Variants in NR3C1 observed in about 807,000 individuals in gnomAD.
NR3C1 encodes the protein glucocorticoid receptor.
Under a neutral mutation model 74.0 loss-of-function variants are expected in NR3C1, and 14 were observed. That is an observed-to-expected ratio of 0.19 (90% CI 0.12 to 0.30). NR3C1 has a LOEUF of 0.30. Among genes scored for constraint, NR3C1 ranks in the 10% least tolerant of loss-of-function variants. The pLI is 1.00. For synonymous variants in NR3C1, 308 were observed against 332.5 expected (o/e 0.93, Z 0.80); for missense variants, 695 against 909.8 (o/e 0.76, Z 3.04).
intron 1 of NR3C1, among the ~76,000 whole-genome samples, chr5:143,416,683 G>T (rs1391158754): frequency 2.0e-5 from 3 of 152,154 alleles, no homozygotes; most frequent in African/African-American, 7.2e-5. Flanking sequence ...ACATGGGGGT[G>T]TTGCTCCTTC....
At chr5:143,412,000 A>T (rs924172724) in intron 1 of NR3C1, among the ~76,000 whole-genome samples, 1 of 152,046 alleles carries the variant, frequency 6.6e-6, no homozygotes, top group African/African-American at 2.4e-5. Context: ...AAAGGTAAGC[A>T]AAGCAGTCAT....
intron 2 of NR3C1, among the ~76,000 whole-genome samples, chr5:143,382,295 C>A (rs769250200): frequency 6.6e-6 from 1 of 151,952 alleles, no homozygotes; most frequent in Non-Finnish European, 1.5e-5. Context: ...AATATATATG[C>A]CTACTATATA....
intron 2 of NR3C1, among the ~76,000 whole-genome samples, chr5:143,378,729 T>A (rs1277612983): frequency 2.0e-5 from 3 of 152,214 alleles, no homozygotes; most frequent in African/African-American, 7.2e-5. Flanking sequence ...TTAGTCCTCA[T>A]CCAATATGAC....
intron 2 of NR3C1, among the ~76,000 whole-genome samples, chr5:143,354,922 C>CAAAA (rs60607518): frequency 2.0e-5 from 1 of 48,964 alleles, no homozygotes; most frequent in East Asian, 5.8e-4. Flanking sequence ...AAGTCCGTCT[C>CAAAA]AAAAAAAAAA....
At chr5:143,309,188 C>T (rs1438716355) in intron 4 of NR3C1, among the ~76,000 whole-genome samples, 1 of 151,812 alleles carries the variant, frequency 6.6e-6, no homozygotes, top group East Asian at 1.9e-4. Flanking sequence ...ATTCTCCTGC[C>T]TCAGCCTCCT....
At chr5:143,320,790 A>G (rs1275094633) in intron 2 of NR3C1, among the ~76,000 whole-genome samples, 1 of 152,210 alleles carries the variant, frequency 6.6e-6, no homozygotes, top group African/African-American at 2.4e-5. Context: ...TGGGTAACTT[A>G]CTTCCTAACA....
At chr5:143,412,875 T>C (rs1841339551) in intron 1 of NR3C1, among the ~76,000 whole-genome samples, 1 of 152,206 alleles carries the variant, frequency 6.6e-6, no homozygotes, top group Non-Finnish European at 1.5e-5. Context: ...GGATTCAGTT[T>C]GGATATGTTG....
chr5:143,435,060 C>G, exon 1 of NR3C1: 7 of 985,312 alleles, frequency 7.1e-6, no homozygotes, highest in Non-Finnish European at 8.4e-6. Context: ...CCAGGCAGAT[C>G]CTAATGGAAA....
At chr5:143,428,844 T>C (rs1232598475) in intron 1 of NR3C1, among the ~76,000 whole-genome samples, 1 of 152,194 alleles carries the variant, frequency 6.6e-6, no homozygotes, top group Non-Finnish European at 1.5e-5. Context: ...GTTTTCGCCA[T>C]TCTGACTACC....
chr5:143,367,761 A>G (rs1237514983), intron 2 of NR3C1, among the ~76,000 whole-genome samples: 1 of 152,268 alleles, frequency 6.6e-6, no homozygotes, highest in Non-Finnish European at 1.5e-5. Context: ...AGAAATGGAA[A>G]GAAGTCTTGT....
intron 4 of NR3C1, among the ~76,000 whole-genome samples, chr5:143,307,255 G>A (rs1357434469): frequency 2.0e-5 from 3 of 152,076 alleles, no homozygotes; most frequent in Non-Finnish European, 2.9e-5. Context: ...AGATTCAACT[G>A]GAAATGGCAG....
At chr5:143,383,787 G>A (rs1161282916) in intron 2 of NR3C1, among the ~76,000 whole-genome samples, 1 of 152,188 alleles carries the variant, frequency 6.6e-6, no homozygotes, top group African/African-American at 2.4e-5. Flanking sequence ...AATGATTTAT[G>A]TATTTTTATT....
intron 2 of NR3C1, among the ~76,000 whole-genome samples, chr5:143,314,423 T>A (rs1821647713): frequency 7.1e-6 from 1 of 140,318 alleles, no homozygotes; most frequent in Non-Finnish European, 1.6e-5. Context: ...TTCTTCTTCT[T>A]TTTTTTTTTT....
chr5:143,294,156 A>C, intron 7 of NR3C1: 2 of 985,142 alleles, frequency 2.0e-6, no homozygotes, highest in Non-Finnish European at 2.4e-6. Context: ...GGAAATGTTT[A>C]AATAGATATG....
intron 7 of NR3C1, among the ~76,000 whole-genome samples, chr5:143,291,935 T>C (rs187750224): frequency 6.6e-6 from 1 of 152,390 alleles, no homozygotes; most frequent in East Asian, 1.9e-4. Flanking sequence ...GAAATATTTG[T>C]GTCATATCTG....
chr5:143,417,707 CT>C (rs1320953519), intron 1 of NR3C1, among the ~76,000 whole-genome samples: 2 of 152,156 alleles, frequency 1.3e-5, no homozygotes, highest in African/African-American at 4.8e-5. Flanking sequence ...ACACAATACA[CT>C]AACTTCCTTC....
intron 1 of NR3C1, among the ~76,000 whole-genome samples, chr5:143,432,347 C>T (rs973753965): frequency 6.6e-6 from 1 of 152,158 alleles, no homozygotes; most frequent in African/African-American, 2.4e-5. Flanking sequence ...AATTCACAAA[C>T]ATTGGTCCTG....
At chr5:143,338,529 T>G (rs2151733602) in intron 2 of NR3C1, among the ~76,000 whole-genome samples, 1 of 152,308 alleles carries the variant, frequency 6.6e-6, no homozygotes, top group East Asian at 1.9e-4. Context: ...CCTAGGTTAA[T>G]GTGTGTGTTT....
intron 1 of NR3C1, among the ~76,000 whole-genome samples, chr5:143,417,723 G>A (rs13160969): frequency 0.014 from 2,091 of 152,168 alleles, 57 homozygotes; most frequent in African/African-American, 0.048. Flanking sequence ...TCCTTCAAAC[G>A]AAGCCCCTTT....
Sources: gnomAD v4.1 joint callset for allele counts (sites outside exome capture counted in the v4.1 genomes callset) on GRCh38, gnomAD v4.1.1 for gene constraint, MANE v1.5 for transcripts, NCBI Gene and HGNC (gene_info 2026-07-23, HGNC 2026-07-21) for gene names.